AGBL1: variants seen among roughly 807,000 people sequenced by gnomAD.
AGBL1 encodes the protein AGBL carboxypeptidase 1.
Under a neutral mutation model 118.9 loss-of-function variants are expected in AGBL1, and 130 were observed. The ratio of observed to expected loss-of-function variants is 1.09; its 90% CI spans 0.95 to 1.26. AGBL1 has a LOEUF of 1.26. AGBL1 is among the 50% of genes most tolerant of loss of function. The probability of loss-of-function intolerance (pLI) is 0.00; values close to 1 mark genes in which losing one functional copy is unlikely to be tolerated. For missense variants in AGBL1, 1,584 were observed against 1,298.1 expected, an observed-to-expected ratio of 1.22 and a Z score of -3.38; for synonymous variants, 555 against 478.9, an observed-to-expected ratio of 1.16 and a Z score of -2.08.
At chr15:86,268,673 C>G (rs916172788) in intron 13 of AGBL1, among the ~76,000 whole-genome samples, 1 of 152,124 alleles carries the variant, frequency 6.6e-6, no homozygotes, top group Admixed American at 6.5e-5. Flanking sequence ...GGGTCATAGA[C>G]TTTCCAGAAT....
intron 18 of AGBL1, among the ~76,000 whole-genome samples, chr15:86,438,137 A>T (rs981426697): frequency 2.6e-5 from 4 of 151,476 alleles, no homozygotes; most frequent in Admixed American, 2.6e-4. Context: ...CCAACTCCTG[A>T]CCTCATGATC....
intron 16 of AGBL1, among the ~76,000 whole-genome samples, chr15:86,291,315 G>T (rs950973768): frequency 2.0e-5 from 3 of 152,044 alleles, no homozygotes; most frequent in African/African-American, 7.2e-5. Context: ...AGAAATATGA[G>T]CCAAGAATGA....
rs1049430432 is a variant in AGBL1, at chr15:86,945,307, G to A, written c.3222-42680G>A. The stretch of plus-strand genomic sequence containing the variant: ...ATTTGATATCATGAAAAGAGTTCAC[G>A]ATATGTAAAGATAGAGAAAAAAAGT... On this transcript the variant is annotated intron_variant, in intron 23 of 24. Transcript: ENST00000441037. Among the ~76,000 whole-genome samples, 15 of 147,364 alleles carry A rather than the reference G, an allele frequency of 1.0e-4. 1 individual carries two copies. The highest frequency in any genetic ancestry group is 9.5e-4 in the Admixed American group (14 of 14,794).
At chr15:86,458,599 T>A (rs970963396) in intron 18 of AGBL1, among the ~76,000 whole-genome samples, 5 of 152,188 alleles carry the variant, frequency 3.3e-5, no homozygotes, top group African/African-American at 1.2e-4. Context: ...GAACTCTGCT[T>A]TCTAAATAGT....
rs537831458 is a variant in AGBL1, at chr15:86,771,161, A to G, written c.3158+96725A>G. ...ATTACGCACCGGACTTGACTAGAGC[A>G]GAGACTAAGTTGTTATGACATTAAG... On this transcript the variant is annotated intron_variant, in intron 22 of 22. Transcript: ENST00000614907. Among the ~76,000 whole-genome samples the G allele has an allele frequency of 9.2e-5, 14 of 152,174 alleles. No individual in the cohort carries two copies. The South Asian group carries it at 2.7e-3, about 29-fold the overall frequency.
At chr15:86,286,819 A>C (rs2079462132) in intron 16 of AGBL1, among the ~76,000 whole-genome samples, 1 of 150,704 alleles carries the variant, frequency 6.6e-6, no homozygotes, top group Non-Finnish European at 1.5e-5. Flanking sequence ...CACTGAACAT[A>C]GGGGTGTATA....
chr15:86,768,122 A>G (rs1347747849), intron 22 of AGBL1, among the ~76,000 whole-genome samples: 5 of 151,908 alleles, frequency 3.3e-5, no homozygotes, highest in Non-Finnish European at 5.9e-5. Flanking sequence ...AATCTAGTCA[A>G]TGTGGGAACA....
At chr15:86,230,039 G>C (rs563299493) in intron 6 of AGBL1, among the ~76,000 whole-genome samples, 13 of 152,068 alleles carry the variant, frequency 8.5e-5, no homozygotes, top group Non-Finnish European at 1.6e-4. Context: ...AGAAGAAAAG[G>C]GGGAGGGAGA....
At chr15:86,784,095 G>C (rs138984309) in intron 22 of AGBL1, among the ~76,000 whole-genome samples, 1 of 152,242 alleles carries the variant, frequency 6.6e-6, no homozygotes, top group East Asian at 1.9e-4. Context: ...TCAGTTCCCT[G>C]TCTGTAATAT....
At chr15:86,281,456 C>A (rs757449939) in intron 16 of AGBL1, among the ~76,000 whole-genome samples, 2 of 152,080 alleles carry the variant, frequency 1.3e-5, no homozygotes, top group African/African-American at 2.4e-5. Flanking sequence ...TTTTAAAATA[C>A]GTGTTATGTG....
At chr15:86,736,986 C>CA (rs1244348013) in intron 22 of AGBL1, among the ~76,000 whole-genome samples, 1 of 152,202 alleles carries the variant, frequency 6.6e-6, no homozygotes, top group Non-Finnish European at 1.5e-5. Context: ...TAGCTTGTAA[C>CA]AATCCCCCTT....
chr15:86,809,962 CA>C (rs2078766571), intron 22 of AGBL1, among the ~76,000 whole-genome samples: 2 of 151,952 alleles, frequency 1.3e-5, no homozygotes, highest in Non-Finnish European at 1.5e-5. Context: ...ACCTCTAACA[CA>C]AAATATTTGG....
chr15:86,452,686 A>G (rs1211581824), intron 18 of AGBL1, among the ~76,000 whole-genome samples: 1 of 152,134 alleles, frequency 6.6e-6, no homozygotes, highest in Non-Finnish European at 1.5e-5. Flanking sequence ...GTAAACACCA[A>G]CGTTCTTACT....
chr15:86,269,892 C>A, intron 13 of AGBL1, 27 bp from the exon 14 acceptor site: 1 of 1,608,366 alleles, frequency 6.2e-7, no homozygotes, highest in African/African-American at 1.3e-5. Context: ...TTCCAGATAA[C>A]CCTCCAGTCT....
At chr15:86,791,850 C>T (rs1313035874) in intron 22 of AGBL1, among the ~76,000 whole-genome samples, 2 of 151,776 alleles carry the variant, frequency 1.3e-5, no homozygotes, top group Non-Finnish European at 2.9e-5. Flanking sequence ...AATTCTCATG[C>T]CTTAGCCTCT....
chr15:86,331,561 A>T (rs945625338), intron 17 of AGBL1, among the ~76,000 whole-genome samples: 1 of 152,220 alleles, frequency 6.6e-6, no homozygotes, highest in African/African-American at 2.4e-5. Context: ...GAAAAAGGTC[A>T]GATTGCATAC....
At chr15:86,391,519 G>A (rs2081284699) in intron 17 of AGBL1, among the ~76,000 whole-genome samples, 1 of 151,254 alleles carries the variant, frequency 6.6e-6, no homozygotes, top group African/African-American at 2.4e-5. Context: ...TTAGCTGCAT[G>A]ATTCCACCTT....
chr15:86,272,162 T>G (rs2079172706), intron 15 of AGBL1, among the ~76,000 whole-genome samples: 1 of 152,064 alleles, frequency 6.6e-6, no homozygotes, highest in African/African-American at 2.4e-5. Flanking sequence ...CTCCTCCCCA[T>G]AGCAAGGTAA....
At chr15:86,302,032 A>G (rs1451250153) in intron 17 of AGBL1, among the ~76,000 whole-genome samples, 1 of 152,088 alleles carries the variant, frequency 6.6e-6, no homozygotes, top group Non-Finnish European at 1.5e-5. Flanking sequence ...ACAGTGACTC[A>G]CCATGATCCT....
Sources: allele counts gnomAD v4.1 joint callset (sites outside exome capture counted in the v4.1 genomes callset), GRCh38; gene constraint gnomAD v4.1.1; transcripts MANE v1.5; gene names NCBI Gene and HGNC (gene_info 2026-07-23, HGNC 2026-07-21).